CSMD1: variants seen among roughly 807,000 people sequenced by gnomAD.
CSMD1 encodes CUB and sushi domain-containing protein 1.
CSMD1 carries 213 observed loss-of-function variants against 417.5 expected under a neutral mutation model. The ratio of observed to expected loss-of-function variants is 0.51; its 90% CI spans 0.46 to 0.57. The LOEUF (loss-of-function observed/expected upper bound fraction) is 0.57, where lower values mean the gene tolerates loss of function less well. Among genes scored for constraint, CSMD1 ranks in the 20% least tolerant of loss-of-function variants. The pLI, the probability that CSMD1 is intolerant of heterozygous loss-of-function variation, is 0.00. For missense variants in CSMD1, 6,923 were observed against 4,529.7 expected (o/e 1.53, Z -15.17); for synonymous variants, 2,862 against 1,736.8 (o/e 1.65, Z -16.11).
At chr8:4,119,869 G>A (rs987629025) in intron 3 of CSMD1, among the ~76,000 whole-genome samples, 4 of 152,202 alleles carry the variant, frequency 2.6e-5, no homozygotes, top group African/African-American at 4.8e-5. Context: ...ATCTGAAAGG[G>A]TTCGACAAAG....
chr8:4,127,901 T>A (rs1017373664), intron 3 of CSMD1, among the ~76,000 whole-genome samples: 6 of 152,172 alleles, frequency 3.9e-5, no homozygotes, highest in African/African-American at 1.4e-4. Context: ...CAGAATTAAA[T>A]TCAGGTACTC....
chr8:4,128,816 G>T (rs936067107), intron 3 of CSMD1, among the ~76,000 whole-genome samples: 2 of 152,144 alleles, frequency 1.3e-5, no homozygotes, highest in African/African-American at 2.4e-5. Flanking sequence ...TGCAAGTAGG[G>T]TAAGTTTCGG....
intron 3 of CSMD1, among the ~76,000 whole-genome samples, chr8:4,231,055 G>A (rs1801693983): frequency 6.6e-6 from 1 of 152,134 alleles, no homozygotes; most frequent in Non-Finnish European, 1.5e-5. Flanking sequence ...TGGGAAAATT[G>A]GGGAAAGCGT....
intron 46 of CSMD1, among the ~76,000 whole-genome samples, chr8:3,102,077 T>C (rs1453946505): frequency 6.6e-6 from 1 of 152,022 alleles, no homozygotes; most frequent in African/African-American, 2.4e-5. Context: ...GCTGGGATGG[T>C]GATAAGTTTC....
intron 1 of CSMD1, among the ~76,000 whole-genome samples, chr8:4,790,361 T>A (rs571208440): frequency 1.5e-3 from 230 of 152,306 alleles, no homozygotes; most frequent in African/African-American, 5.5e-3. Context: ...TCCATGCTCA[T>A]GGACAGGAAG....
chr8:3,023,290 G>T (rs1301620510), intron 51 of CSMD1, among the ~76,000 whole-genome samples: 3 of 152,156 alleles, frequency 2.0e-5, no homozygotes, highest in African/African-American at 7.2e-5. Context: ...TTCCAGTGTA[G>T]CTCACTGAGT....
At chr8:3,817,473 G>A (rs1261224718) in intron 5 of CSMD1, among the ~76,000 whole-genome samples, 4 of 151,332 alleles carry the variant, frequency 2.6e-5, no homozygotes, top group African/African-American at 4.8e-5. Flanking sequence ...TAGAGACGGG[G>A]TTTCACCTCG....
At chr8:3,771,495 G>A (rs1036621826) in intron 5 of CSMD1, among the ~76,000 whole-genome samples, 7 of 152,226 alleles carry the variant, frequency 4.6e-5, no homozygotes, top group Non-Finnish European at 8.8e-5. Context: ...TCAAGCTCTC[G>A]AACACACAAC....
intron 3 of CSMD1, among the ~76,000 whole-genome samples, chr8:4,049,177 T>C (rs894411506): frequency 6.6e-6 from 1 of 152,032 alleles, no homozygotes; most frequent in East Asian, 1.9e-4. Flanking sequence ...CATCAAAGAG[T>C]CTATCTTAGG....
At chr8:4,676,919 C>A (rs924246462) in intron 1 of CSMD1, among the ~76,000 whole-genome samples, 2 of 147,106 alleles carry the variant, frequency 1.4e-5, no homozygotes, top group African/African-American at 2.5e-5. Context: ...ATTTTATATA[C>A]ATAGAGAGAG....
At chr8:4,629,251 C>T (rs1198900327) in intron 2 of CSMD1, among the ~76,000 whole-genome samples, 1 of 152,034 alleles carries the variant, frequency 6.6e-6, no homozygotes, top group Non-Finnish European at 1.5e-5. Flanking sequence ...AATATCTATA[C>T]AAAAATGTTG....
intron 5 of CSMD1, among the ~76,000 whole-genome samples, chr8:3,959,367 C>T (rs756342694): frequency 7.2e-5 from 11 of 152,212 alleles, no homozygotes; most frequent in Admixed American, 3.9e-4. Context: ...GGTGTGATGG[C>T]GCCAGCCTGT....
intron 6 of CSMD1, among the ~76,000 whole-genome samples, chr8:3,718,050 G>T (rs1029558847): frequency 6.6e-6 from 1 of 152,112 alleles, no homozygotes; most frequent in African/African-American, 2.4e-5. Context: ...GTACATAAAA[G>T]AAAATGTTCA....
At chr8:4,129,034 C>G (rs1186200944) in intron 3 of CSMD1, among the ~76,000 whole-genome samples, 18 of 146,866 alleles carry the variant, frequency 1.2e-4, no homozygotes, top group Non-Finnish European at 2.4e-4. Context: ...CGAGATCGCG[C>G]CACTGCACTC....
intron 2 of CSMD1, among the ~76,000 whole-genome samples, chr8:4,504,949 G>C (rs1409406065): frequency 6.6e-6 from 1 of 152,172 alleles, no homozygotes; most frequent in Non-Finnish European, 1.5e-5. Context: ...ACATACGTGT[G>C]CATGTGTCTT....
intron 1 of CSMD1, among the ~76,000 whole-genome samples, chr8:4,845,378 G>T (rs1456164238): frequency 6.6e-6 from 1 of 152,118 alleles, no homozygotes; most frequent in South Asian, 2.1e-4. Context: ...CACCATACAT[G>T]GGATGATCCT....
intron 3 of CSMD1, among the ~76,000 whole-genome samples, chr8:4,102,917 G>C (rs1801379841): frequency 1.3e-5 from 2 of 152,254 alleles, no homozygotes; most frequent in African/African-American, 2.4e-5. Flanking sequence ...GAGTGCTGGA[G>C]TCACACATTT....
chr8:3,820,853 G>A (rs1352550770), intron 5 of CSMD1, among the ~76,000 whole-genome samples: 1 of 152,078 alleles, frequency 6.6e-6, no homozygotes, highest in Non-Finnish European at 1.5e-5. Context: ...CAAAGTGCTG[G>A]GATTATAGGT....
At chr8:3,059,390 G>T (rs559072077) in intron 49 of CSMD1, among the ~76,000 whole-genome samples, 3 of 152,026 alleles carry the variant, frequency 2.0e-5, no homozygotes, top group Admixed American at 6.6e-5. Flanking sequence ...AACAACTCAT[G>T]CTTTTTAAGC....
Sources: allele counts gnomAD v4.1 joint callset (sites outside exome capture counted in the v4.1 genomes callset), GRCh38; gene constraint gnomAD v4.1.1; transcripts MANE v1.5; gene names NCBI Gene and HGNC (gene_info 2026-07-23, HGNC 2026-07-21).